The following EFCAB13 variants were observed in gnomAD, a reference collection of about 807,000 sequenced individuals.
EFCAB13 encodes EF-hand calcium binding domain 13.
In EFCAB13, 91 loss-of-function variants were observed where a neutral mutation model predicts 110.2. The observed-to-expected ratio is 0.83, with a 90% CI of 0.70 to 0.98. The LOEUF is 0.98. Ranked by LOEUF, EFCAB13 falls within the 50% of genes least tolerant of loss-of-function variation. The probability of loss-of-function intolerance (pLI) is 0.00; values close to 1 mark genes in which losing one functional copy is unlikely to be tolerated. For missense variants in EFCAB13, 968 were observed against 1,119.4 expected, an observed-to-expected ratio of 0.86 and a Z score of 1.93; for synonymous variants, 323 against 369.9, an observed-to-expected ratio of 0.87 and a Z score of 1.45.
At position 47,395,880 on chromosome 17, in the gene EFCAB13, G is replaced by T; in HGVS notation, c.1848G>T (p.Thr616=). 1 of 1,610,230 alleles carries T rather than the reference G, an allele frequency of 6.2e-7. No homozygotes were observed. Among genetic ancestry groups the T allele is most frequent in the Non-Finnish European group, 8.5e-7 (1 of 1,177,414 alleles). The stretch of plus-strand genomic sequence containing the variant: ...CCCTCGACGATCTCAGAAAGGAGAC[G>T]ATGAGTGTTTCTGACCTGTGGAATA... ...IETLDDLRKE[T]MSVSDLWNTL... The change falls in exon 17 of 25, where the codon ACG becomes ACT. Residue 616 remains threonine (T), a synonymous_variant. Transcript: ENST00000331493.
At position 47,431,684 on chromosome 17, in the gene EFCAB13, CTA is replaced by C. The variant is rs1905118375; in HGVS notation, c.2638+1725_2638+1726del. Among the ~76,000 whole-genome samples, 2 of 152,166 alleles carry C rather than the reference CTA, an allele frequency of 1.3e-5. No individual in the cohort carries two copies. Among genetic ancestry groups the C allele is most frequent in the South Asian group, 4.2e-4 (2 of 4,812 alleles). On this transcript the variant is annotated intron_variant, in intron 24 of 24. Coordinates refer to ENST00000331493, the MANE Select transcript of EFCAB13 (RefSeq NM_152347.5). The surrounding 1 kb of genome is among the most constrained non-coding windows in gnomAD (Gnocchi z 4.1). Reference sequence around the variant, plus strand: ...AGTTTGTTGAGGCTTGATTTATTGACTATGATAATTTTAGTAAATATTTTATG... The same window carrying C: ...AGTTTGTTGAGGCTTGATTTATTGACTGATAATTTTAGTAAATATTTTATG...
chr17:47,353,436 A>G (rs2065464271), intron 9 of EFCAB13, among the ~76,000 whole-genome samples: 1 of 151,906 alleles, frequency 6.6e-6, no homozygotes, highest in Non-Finnish European at 1.5e-5. Flanking sequence ...CTGGTACTAC[A>G]GGCATGCACC....
rs747566876 is a variant in EFCAB13 at position 47,344,210 on chromosome 17, G to T, written c.352G>T (p.Glu118Ter). Reference protein sequence around the residue: ...KLSKEKVTRKENSLCKLPNQY... With the variant: ...KLSKEKVTRK ...GTCAAAGGAGAAGGTGACAAGGAAA[G>T]AAAACTCTTTATGCAAGTTGCCGAA... The change falls in exon 7 of 25, where the codon GAA becomes TAA. Residue 118 changes from glutamate to a stop codon, truncating the protein, a stop_gained. Coordinates refer to ENST00000331493, the MANE Select transcript of EFCAB13 (RefSeq NM_152347.5). LOFTEE classifies it high-confidence loss of function. 31 of 1,613,212 alleles carry T rather than the reference G, an allele frequency of 1.9e-5. No individual in the cohort carries two copies. Among genetic ancestry groups the T allele is most frequent in the Non-Finnish European group, 2.5e-5 (30 of 1,179,372 alleles).
In EFCAB13 at chr17:47,440,773, T is replaced by C; in HGVS notation, c.*59T>C. 7.6e-7 allele frequency: 1 copy of C among 1,308,874 alleles called. No individual in the cohort carries two copies. Among genetic ancestry groups the C allele is most frequent in the Non-Finnish European group, 1.0e-6 (1 of 978,142 alleles). The allele number at this position is 1,308,874 out of a possible 1,614,324, so 81.1% of individuals were successfully genotyped here. On this transcript the variant is annotated 3_prime_UTR_variant, in exon 25 of 25. Transcript: ENST00000331493. ...GATTATATATTATTCAGTATGCATA[T>C]TTGACTTCTGAAATTATTAGAAAAT... is the stretch of plus-strand genomic sequence containing the variant.
chr17:47,350,698 A>G (rs2065444882), intron 9 of EFCAB13, among the ~76,000 whole-genome samples: 1 of 152,066 alleles, frequency 6.6e-6, no homozygotes, highest in East Asian at 1.9e-4. Context: ...CTCTTCCTAA[A>G]AATTTCAGAT....
intron 11 of EFCAB13, among the ~76,000 whole-genome samples, chr17:47,370,738 GTT>G (rs764924546): frequency 0.056 from 7,047 of 126,346 alleles, 94 homozygotes; most frequent in East Asian, 0.15. Flanking sequence ...GTTGTTGTTT[GTT>G]TTTTTTTTTT....
chr17:47,376,233 C>T (rs1259066514), intron 12 of EFCAB13, among the ~76,000 whole-genome samples: 1 of 152,180 alleles, frequency 6.6e-6, no homozygotes, highest in Non-Finnish European at 1.5e-5. Flanking sequence ...TAAGGAGGCA[C>T]AGTGATTATC....
rs754808316 is a variant in EFCAB13 at position 47,391,475 on chromosome 17, G to C, written c.1621G>C (p.Asp541His). ...CATTAAAGCCATTGATAAAATTAAA[G>C]ATAAAAATGTGGATTATGAGGATCT... is the stretch of plus-strand genomic sequence containing the variant. ...GVIKAIDKIK[D>H]KNVDYEDLNT... Residue 541 changes from aspartate to histidine, a missense_variant, in exon 15 of 25, where the codon GAT becomes CAT. Transcript: ENST00000331493. The C allele has an allele frequency of 1.3e-6, 2 of 1,586,036 alleles. No homozygotes were observed. The highest frequency in any genetic ancestry group is 1.7e-6 in the Non-Finnish European group (2 of 1,169,514).
At chr17:47,377,685 A>C in intron 12 of EFCAB13, 81 bp from the exon 13 acceptor site, 6 of 1,268,990 alleles carry the variant, frequency 4.7e-6, no homozygotes, top group Non-Finnish European at 5.3e-6. Context: ...CTTGTTCTCT[A>C]ATTTCTAAAG....
chr17:47,344,229 TG>T lies in EFCAB13; in HGVS notation c.372del (p.Leu124PhefsTer32), dbSNP rs1356343101. On this transcript the variant is annotated frameshift_variant, in exon 7 of 25. Transcript: ENST00000331493. LOFTEE classifies it high-confidence loss of function. ...VTRKENSLCK[L>X]PNQYSVHKTS... is the part of the protein sequence containing the mutation. The stretch of plus-strand genomic sequence containing the variant: ...AGGAAAGAAAACTCTTTATGCAAGT[TG>T]CCGAATCAGTACAGCGTTCACAAGA... The T allele has an allele frequency of 6.2e-7, 1 of 1,613,260 alleles. No homozygotes were observed. Among genetic ancestry groups the T allele is most frequent in the Non-Finnish European group, 8.5e-7 (1 of 1,179,434 alleles).
chr17:47,399,124 A>G (rs925521441), intron 17 of EFCAB13, among the ~76,000 whole-genome samples: 1 of 152,158 alleles, frequency 6.6e-6, no homozygotes, highest in Non-Finnish European at 1.5e-5. Flanking sequence ...CATGTTGTCC[A>G]GGCTGGTCTC....
intron 20 of EFCAB13, among the ~76,000 whole-genome samples, chr17:47,405,309 G>A (rs2065799636): frequency 6.6e-6 from 1 of 152,130 alleles, no homozygotes; most frequent in African/African-American, 2.4e-5. Flanking sequence ...CAATTTTTCT[G>A]TAGGGCAAAT....
intron 10 of EFCAB13, 79 bp from the exon 11 acceptor site, chr17:47,370,358 T>C (rs550577600): frequency 1.3e-5 from 13 of 985,482 alleles, no homozygotes; most frequent in Non-Finnish European, 1.8e-5. Context: ...ACATTCTGTG[T>C]TGTTTTCATA....
intron 11 of EFCAB13, among the ~76,000 whole-genome samples, chr17:47,372,123 C>T (rs907877553): frequency 2.6e-5 from 4 of 152,064 alleles, no homozygotes; most frequent in African/African-American, 9.7e-5. Flanking sequence ...TTACTACTGC[C>T]ATTTTGTTAA....
Position 47,404,001 on chromosome 17 carries a change from TTCAA to T in EFCAB13, c.2145_2148del (p.Ser716IlefsTer9). 1 of 1,594,886 alleles carries T rather than the reference TTCAA, an allele frequency of 6.3e-7. No homozygotes were observed. The highest frequency in any genetic ancestry group is 8.5e-7 in the Non-Finnish European group (1 of 1,173,418). The stretch of plus-strand genomic sequence containing the variant: ...CCTAAAGAAGAGGTAGAGAAAATTC[TTCAA>T]TCAGATTTTGTTTCTGGTAAGCATT... On this transcript the variant is annotated frameshift_variant, in exon 19 of 25. Transcript: ENST00000331493. LOFTEE classifies it high-confidence loss of function.
At chr17:47,414,719 T>G in intron 22 of EFCAB13, 129 bp from the exon 23 acceptor site, 1 of 668,822 alleles carries the variant, frequency 1.5e-6, no homozygotes, top group South Asian at 1.7e-5. Flanking sequence ...TTGAAATAGT[T>G]TCAATCATTT....
At chr17:47,396,591 A>C (rs1567797893) in intron 17 of EFCAB13, among the ~76,000 whole-genome samples, 1 of 152,218 alleles carries the variant, frequency 6.6e-6, no homozygotes, top group Non-Finnish European at 1.5e-5. Flanking sequence ...CTTAGTGCCT[A>C]GAAGTTAAAA....
intron 14 of EFCAB13, among the ~76,000 whole-genome samples, chr17:47,380,531 C>G (rs1443554980): frequency 6.6e-6 from 1 of 152,162 alleles, no homozygotes; most frequent in Non-Finnish European, 1.5e-5. Context: ...AACAGCACTG[C>G]AATAAACATA....
chr17:47,362,760 C>G (rs2065522855), intron 10 of EFCAB13, among the ~76,000 whole-genome samples: 1 of 152,226 alleles, frequency 6.6e-6, no homozygotes, highest in Admixed American at 6.5e-5. Flanking sequence ...GTCTGTCTGT[C>G]TGTCTGTCTC....
Sources: gnomAD v4.1 joint callset for allele counts (sites outside exome capture counted in the v4.1 genomes callset) on GRCh38, gnomAD v4.1.1 for gene constraint, Gnocchi (gnomAD v3.1) non-coding constraint, MANE v1.5 for transcripts, NCBI Gene and HGNC (gene_info 2026-07-23, HGNC 2026-07-21) for gene names.